SLC1A5: variants seen among roughly 807,000 people sequenced by gnomAD.
SLC1A5 encodes solute carrier family 1 member 5.
Under a neutral mutation model 34.9 loss-of-function variants are expected in SLC1A5, and 25 were observed. The observed-to-expected ratio is 0.72, with a 90% CI of 0.52 to 1.00. SLC1A5 has a LOEUF of 1.00. Among genes scored for constraint, SLC1A5 ranks in the 50% least tolerant of loss-of-function variants. The probability of loss-of-function intolerance (pLI) is 0.00; values close to 1 mark genes in which losing one functional copy is unlikely to be tolerated. For missense variants in SLC1A5, 637 were observed against 740.0 expected (o/e 0.86, Z 1.61); for synonymous variants, 351 against 341.2 (o/e 1.03, Z -0.32).
chr19:46,778,106 A>G (rs2055111462), intron 5 of SLC1A5, among the ~76,000 whole-genome samples: 1 of 152,152 alleles, frequency 6.6e-6, no homozygotes, highest in African/African-American at 2.4e-5. Context: ...AGACGGTGGA[A>G]GGAGTTCTGA....
At chr19:46,776,952 CCA>C (rs751931776) in intron 7 of SLC1A5, 21 bp downstream of exon 7, 2 of 1,609,308 alleles carry the variant, frequency 1.2e-6, no homozygotes, top group Non-Finnish European at 1.7e-6. Flanking sequence ...TGGCCCTGCC[CCA>C]GTCTCCAGAC....
intron 2 of SLC1A5, 108 bp downstream of exon 2, chr19:46,784,409 G>T: frequency 8.0e-7 from 1 of 1,246,136 alleles, no homozygotes; most frequent in South Asian, 1.3e-5. Context: ...TATTCTCATT[G>T]ACATGCATTT....
rs1319016690 is a variant in SLC1A5, at chr19:46,788,004, G to A, written c.-39C>T. On this transcript the variant is annotated 5_prime_UTR_variant, in exon 1 of 8. Coordinates refer to ENST00000542575, the MANE Select transcript of SLC1A5 (RefSeq NM_005628.3). ...GGGGTTTCTTAGCGCCTGGAAGCTG[G>A]CTGGGAGCGCTTGGGCTCCTTCCCA... The A allele has an allele frequency of 1.3e-6, 2 of 1,494,836 alleles. No individual in the cohort carries two copies. The highest frequency in any genetic ancestry group is 1.4e-5 in the African/African-American group (1 of 70,592). The allele number at this position is 1,494,836 out of a possible 1,614,324, so 92.6% of individuals were successfully genotyped here.
Position 46,788,106 on chromosome 19 carries a change from A to T in SLC1A5, c.-141T>A. ...CTTTGGAGGGCTCCTTAGAGTTGTG[A>T]GTTCACAGCACTGAAGTTCCTTGGC... On this transcript the variant is annotated 5_prime_UTR_variant, in exon 1 of 8. Transcript: ENST00000542575. The T allele has an allele frequency of 2.7e-6, 2 of 731,622 alleles. No homozygotes were observed. The highest frequency in any genetic ancestry group is 4.4e-6 in the Non-Finnish European group (2 of 455,528). The allele number at this position is 731,622 out of a possible 1,614,324, so 45.3% of individuals were successfully genotyped here.
intron 7 of SLC1A5, among the ~76,000 whole-genome samples, chr19:46,776,398 G>A (rs2055089498): frequency 6.6e-6 from 1 of 151,818 alleles, no homozygotes; most frequent in Non-Finnish European, 1.5e-5. Flanking sequence ...AGTGGAGATG[G>A]GGTTTCACCA....
At chr19:46,781,980 G>A (rs2122691639) in intron 4 of SLC1A5, among the ~76,000 whole-genome samples, 1 of 152,136 alleles carries the variant, frequency 6.6e-6, no homozygotes, top group African/African-American at 2.4e-5. Context: ...TGCAACTTCC[G>A]CCTCCCAGGC....
At chr19:46,782,346 A>ACCCCCCCCCCCCCCCCCCCCCCACCCC in intron 4 of SLC1A5, 37 bp downstream of exon 4, 1 of 567,986 alleles carries the variant, frequency 1.8e-6, no homozygotes, top group Non-Finnish European at 3.2e-6. Flanking sequence ...CGACCCTCCA[A>ACCCCCCCCCCCCCCCCCCCCCCACCCC]CCCCACCCAC....
chr19:46,783,768 T>C (rs2055165694), intron 3 of SLC1A5, among the ~76,000 whole-genome samples: 1 of 151,784 alleles, frequency 6.6e-6, no homozygotes, highest in African/African-American at 2.4e-5. Flanking sequence ...GCCTGAATGA[T>C]GGAGAGAGAT....
chr19:46,784,505 CT>C lies in SLC1A5; in HGVS notation c.609+11del. 2 of 1,614,080 alleles carry C rather than the reference CT, an allele frequency of 1.2e-6. No individual in the cohort carries two copies. The highest frequency in any genetic ancestry group is 1.1e-5 in the South Asian group (1 of 91,080). ...CCACCCCCATCCCCTCAGGACACCC[CT>C]GAGGACTCACTGAGCGAAAGGCTGC... On this transcript the variant is annotated intron_variant, in intron 2 of 7. Transcript: ENST00000542575.
intron 4 of SLC1A5, among the ~76,000 whole-genome samples, chr19:46,780,274 C>T (rs558098080): frequency 3.2e-4 from 49 of 152,174 alleles, no homozygotes; most frequent in African/African-American, 1.1e-3. Flanking sequence ...GTCCGGGCTG[C>T]AGTGAGCTGT....
chr19:46,779,280 C>T (rs2055126329), intron 4 of SLC1A5, among the ~76,000 whole-genome samples: 1 of 151,868 alleles, frequency 6.6e-6, no homozygotes, highest in African/African-American at 2.4e-5. Context: ...CAAAATTAAC[C>T]AGGCGTGGTG....
In SLC1A5 at chr19:46,778,831, C is replaced by A. The variant is rs1263407097; in HGVS notation, c.902G>T (p.Arg301Leu). The A allele has an allele frequency of 1.2e-6, 2 of 1,610,480 alleles. No individual in the cohort carries two copies. The highest frequency in any genetic ancestry group is 1.7e-6 in the Non-Finnish European group (2 of 1,178,190). The change falls in exon 5 of 8, where the codon CGC (arginine) becomes CTC (leucine). Residue 301 changes from arginine (R) to leucine (L), a missense_variant. Arg to Leu is a moderately radical substitution (Grantham distance 102, BLOSUM62 -2). Transcript: ENST00000542575. The stretch of plus-strand genomic sequence containing the variant: ...GCAGCACAGAATGTACTTGCCAAGG[C>A]GGGCAAAGAGTAAACCCACATCCTC... The part of the protein sequence containing the change: ...EMEDVGLLFA[R>L]LGKYILCCLL...
intron 1 of SLC1A5, 197 bp from the exon 2 acceptor site, chr19:46,784,756 A>T: frequency 6.9e-7 from 1 of 1,459,450 alleles, no homozygotes; most frequent in South Asian, 1.4e-5. Flanking sequence ...TTGGGGAGTC[A>T]GCCTCCTTCA....
At chr19:46,778,203 C>T (rs546602427) in intron 5 of SLC1A5, among the ~76,000 whole-genome samples, 11 of 152,062 alleles carry the variant, frequency 7.2e-5, no homozygotes, top group African/African-American at 1.4e-4. Flanking sequence ...CCAAGGTGGG[C>T]GGATCACTTG....
chr19:46,784,462 G>C, intron 2 of SLC1A5, 55 bp downstream of exon 2: 1 of 1,602,102 alleles, frequency 6.2e-7, no homozygotes, highest in Non-Finnish European at 8.5e-7. Flanking sequence ...GCTCCCCCTG[G>C]CTGGCATCCC....
Position 46,787,418 on chromosome 19 carries a change from G to A in SLC1A5, c.548C>T (p.Ser183Leu), listed in dbSNP as rs1410167309. The A allele has an allele frequency of 6.2e-7, 1 of 1,600,476 alleles. No homozygotes were observed. The highest frequency in any genetic ancestry group is 2.3e-5 in the East Asian group (1 of 44,336). ...AGCTGACCTCGCAAGATCCAGGAAC[G>A]AATCGAGCACCTCCTTGCTGGGGGC... ...ENAPSKEVLD[S>L]FLDLARNIFP... Residue 183 changes from serine (S) to leucine (L), a missense_variant, in exon 1 of 8, where the codon TCG (serine) becomes TTG (leucine). Transcript: ENST00000542575. The surrounding 1 kb of genome is among the most constrained non-coding windows in gnomAD (Gnocchi z 5.2).
rs534714866 is a variant in SLC1A5 at position 46,775,140 on chromosome 19, G to C, written c.*370C>G. 1 of 1,039,980 alleles carries C rather than the reference G, an allele frequency of 9.6e-7. No individual in the cohort carries two copies. Among genetic ancestry groups the C allele is most frequent in the African/African-American group, 1.7e-5 (1 of 58,672 alleles). 64.4% of individuals were successfully genotyped at this position (1,039,980 alleles called of 1,614,324 possible). On this transcript the variant is annotated 3_prime_UTR_variant, in exon 8 of 8. Coordinates refer to ENST00000542575, the MANE Select transcript of SLC1A5 (RefSeq NM_005628.3). ...CTACAGCCGCCAAAATAACCAGCATGGTGTTGTAACATCCCCCCAGTGGGG... is the reference window on the plus strand; with the variant it reads ...CTACAGCCGCCAAAATAACCAGCATCGTGTTGTAACATCCCCCCAGTGGGG...
Position 46,784,835 on chromosome 19 carries a change from G to C in SLC1A5, c.567-276C>G, listed in dbSNP as rs377106264. On this transcript the variant is annotated intron_variant, in intron 1 of 7. Transcript: ENST00000542575. Reference sequence around the variant, plus strand: ...GGGGTGAGGAATGCTGGCCTCCCACGGCAGGCCAGGGCAGGTCGCCCCGGG... The same window carrying C: ...GGGGTGAGGAATGCTGGCCTCCCACCGCAGGCCAGGGCAGGTCGCCCCGGG... The C allele has an allele frequency of 5.7e-6, 8 of 1,405,558 alleles. No individual in the cohort carries two copies. In the South Asian group the frequency reaches 1.1e-4, roughly 20 times the overall value. The allele number at this position is 1,405,558 out of a possible 1,614,324, so 87.1% of individuals were successfully genotyped here.
chr19:46,783,384 T>C (rs1483587033), intron 3 of SLC1A5, among the ~76,000 whole-genome samples: 1 of 149,262 alleles, frequency 6.7e-6, no homozygotes, highest in Non-Finnish European at 1.5e-5. Context: ...AATAATCACT[T>C]GAACCCGGGA....
Sources: gnomAD v4.1 joint callset for allele counts (sites outside exome capture counted in the v4.1 genomes callset) on GRCh38, gnomAD v4.1.1 for gene constraint, Gnocchi (gnomAD v3.1) non-coding constraint, MANE v1.5 for transcripts, NCBI Gene and HGNC (gene_info 2026-07-23, HGNC 2026-07-21) for gene names.